PTPRM: variants seen among roughly 807,000 people sequenced by gnomAD.
PTPRM encodes protein tyrosine phosphatase receptor type M.
A neutral mutation model predicts 186.7 loss-of-function variants in PTPRM; 47 were observed. That is an observed-to-expected ratio of 0.25 (90% CI 0.20 to 0.32). The LOEUF (loss-of-function observed/expected upper bound fraction) is 0.32. Ranked by LOEUF, PTPRM falls within the 10% of genes least tolerant of loss-of-function variation. The pLI is 1.00. For missense variants in PTPRM, 1,494 were observed against 1,865.0 expected, an observed-to-expected ratio of 0.80 and a Z score of 3.66; for synonymous variants, 668 against 674.9, an observed-to-expected ratio of 0.99 and a Z score of 0.16.
intron 2 of PTPRM, among the ~76,000 whole-genome samples, chr18:7,859,063 T>C (rs1344662825): frequency 6.6e-6 from 1 of 152,238 alleles, no homozygotes; most frequent in African/African-American, 2.4e-5. Flanking sequence ...TCCAAATTTA[T>C]ATAAATGAGA....
At chr18:8,396,273 G>T (rs2095844868) in intron 32 of PTPRM, among the ~76,000 whole-genome samples, 1 of 152,238 alleles carries the variant, frequency 6.6e-6, no homozygotes, top group East Asian at 1.9e-4. Context: ...GAAATATTCT[G>T]CCTGTGGCTT....
rs554306758 is a variant in PTPRM, at chr18:8,310,997, TAGACAAGCCTGTATTAAAACTGAAATTTA to T, written c.2843-3783_2843-3755del. Among the ~76,000 whole-genome samples, 218 of 152,282 alleles carry T rather than the reference TAGACAAGCCTGTATTAAAACTGAAATTTA, an allele frequency of 1.4e-3. 1 individual carries two copies. Among genetic ancestry groups the T allele is most frequent in the African/African-American group, 5.1e-3 (212 of 41,568 alleles). On this transcript the variant is annotated intron_variant, in intron 20 of 32. Transcript: ENST00000580170. ...AAATAGCTCAGTATTCTGACAATATTAGACAAGCCTGTATTAAAACTGAAATTTAGGCTGGGCGTGGTGGCTCACGCCTG... is the reference window on the plus strand; with the variant it reads ...AAATAGCTCAGTATTCTGACAATATTGGCTGGGCGTGGTGGCTCACGCCTG...
At chr18:8,197,454 T>C (rs1388153074) in intron 14 of PTPRM, among the ~76,000 whole-genome samples, 1 of 152,224 alleles carries the variant, frequency 6.6e-6, no homozygotes, top group African/African-American at 2.4e-5. Context: ...TTTTATCACT[T>C]AGTAGAATTT....
At chr18:7,890,104 G>A (rs1461911067) in intron 3 of PTPRM, among the ~76,000 whole-genome samples, 3 of 152,180 alleles carry the variant, frequency 2.0e-5, no homozygotes, top group Admixed American at 1.3e-4. Flanking sequence ...TTTGTCCACA[G>A]CATCTTTTAA....
chr18:7,836,403 T>C (rs2046051756), intron 2 of PTPRM, among the ~76,000 whole-genome samples: 1 of 152,212 alleles, frequency 6.6e-6, no homozygotes. Flanking sequence ...TAATATTTTG[T>C]AGTTTCTGTT....
At chr18:8,329,722 A>G (rs987277017) in intron 22 of PTPRM, among the ~76,000 whole-genome samples, 1 of 152,208 alleles carries the variant, frequency 6.6e-6, no homozygotes, top group Non-Finnish European at 1.5e-5. Context: ...TGGAGTATAA[A>G]TAAATGATAC....
chr18:8,273,947 T>A (rs937777212), intron 19 of PTPRM, among the ~76,000 whole-genome samples: 1 of 150,792 alleles, frequency 6.6e-6, no homozygotes, highest in African/African-American at 2.5e-5. Flanking sequence ...TCCAGTAACA[T>A]TTTTTTTTCA....
At chr18:7,585,521 T>C (rs2036957066) in intron 1 of PTPRM, among the ~76,000 whole-genome samples, 1 of 152,126 alleles carries the variant, frequency 6.6e-6, no homozygotes, top group African/African-American at 2.4e-5. Context: ...TGGCCAGAGG[T>C]TGGAAAAGTG....
chr18:7,989,900 C>CCGT (rs2083171686), intron 7 of PTPRM, among the ~76,000 whole-genome samples: 1 of 151,946 alleles, frequency 6.6e-6, no homozygotes, highest in African/African-American at 2.4e-5. Flanking sequence ...ACATTTTCTT[C>CCGT]CTTCTTCTTC....
chr18:8,078,856 T>C (rs549594012), intron 9 of PTPRM, among the ~76,000 whole-genome samples: 1 of 152,190 alleles, frequency 6.6e-6, no homozygotes, highest in East Asian at 1.9e-4. Context: ...CACTCTCCTG[T>C]GAACTCAGAG....
intron 1 of PTPRM, among the ~76,000 whole-genome samples, chr18:7,594,760 A>G (rs1163432529): frequency 6.8e-6 from 1 of 147,876 alleles, no homozygotes; most frequent in Non-Finnish European, 1.5e-5. Context: ...TGGCAGAATA[A>G]TGTGTGCTTT....
intron 23 of PTPRM, among the ~76,000 whole-genome samples, chr18:8,344,949 G>A (rs1441551837): frequency 6.6e-6 from 1 of 152,122 alleles, no homozygotes; most frequent in Non-Finnish European, 1.5e-5. Context: ...AGGAGCACCA[G>A]CCAGCCCAGG....
At chr18:8,392,420 T>A (rs368467982) in intron 31 of PTPRM, among the ~76,000 whole-genome samples, 16 of 151,566 alleles carry the variant, frequency 1.1e-4, no homozygotes, top group East Asian at 3.9e-4. Context: ...GTCAGGAGAT[T>A]GAGACTATCC....
At chr18:7,953,345 C>G (rs1332675513) in intron 6 of PTPRM, among the ~76,000 whole-genome samples, 1 of 152,124 alleles carries the variant, frequency 6.6e-6, no homozygotes, top group Non-Finnish European at 1.5e-5. Context: ...CTCTTTCAGT[C>G]TGGCTACATA....
intron 1 of PTPRM, among the ~76,000 whole-genome samples, chr18:7,731,613 C>G (rs1303832885): frequency 6.6e-6 from 1 of 152,126 alleles, no homozygotes; most frequent in Non-Finnish European, 1.5e-5. Flanking sequence ...GGATTTCTGA[C>G]TCCTGGAATA....
At chr18:7,627,477 C>T (rs922257876) in intron 1 of PTPRM, among the ~76,000 whole-genome samples, 4 of 152,148 alleles carry the variant, frequency 2.6e-5, no homozygotes, top group African/African-American at 9.7e-5. Context: ...GACCACCCAT[C>T]TTTGGGGTAA....
chr18:8,317,185 G>A (rs1177718320), intron 21 of PTPRM, among the ~76,000 whole-genome samples: 2 of 152,146 alleles, frequency 1.3e-5, no homozygotes, highest in Non-Finnish European at 2.9e-5. Context: ...ATGTGGCTGT[G>A]GGAATCATCA....
chr18:8,244,542 C>G (rs1010275826), intron 15 of PTPRM, among the ~76,000 whole-genome samples: 2 of 152,158 alleles, frequency 1.3e-5, no homozygotes, highest in African/African-American at 4.8e-5. Context: ...TGTAAACTAT[C>G]CAGGTGTGGA....
At chr18:8,250,555 A>T (rs2094518674) in intron 17 of PTPRM, among the ~76,000 whole-genome samples, 1 of 152,188 alleles carries the variant, frequency 6.6e-6, no homozygotes, top group African/African-American at 2.4e-5. Flanking sequence ...CAAGGCAGGA[A>T]GATCGCTTGA....
Sources: allele counts gnomAD v4.1 joint callset (sites outside exome capture counted in the v4.1 genomes callset), GRCh38; gene constraint gnomAD v4.1.1; transcripts MANE v1.5; gene names NCBI Gene and HGNC (gene_info 2026-07-23, HGNC 2026-07-21).